Variants in MTR observed in about 807,000 individuals in gnomAD.
The protein encoded by MTR is methionine synthase.
MTR carries 84 observed loss-of-function variants against 154.8 expected under a neutral mutation model. The observed-to-expected ratio is 0.54, with a 90% CI of 0.45 to 0.65. The LOEUF (loss-of-function observed/expected upper bound fraction) is 0.65. Among genes scored for constraint, MTR ranks in the 30% least tolerant of loss-of-function variants. MTR has a pLI of 0.00. For synonymous variants in MTR, 554 were observed against 553.9 expected (o/e 1.00, Z 0.00); for missense variants, 1,275 against 1,570.2 (o/e 0.81, Z 3.18).
chr1:236,799,075 T>C (rs1419744184), intron 1 of MTR, among the ~76,000 whole-genome samples: 1 of 152,092 alleles, frequency 6.6e-6, no homozygotes, highest in East Asian at 1.9e-4. Context: ...AAATCTTACA[T>C]TATCCTCTAA....
chr1:236,835,550 G>GCCTT lies in MTR; in HGVS notation c.1193_1196dup (p.Leu399PhefsTer22), dbSNP rs748254670. 6.2e-7 allele frequency: 1 copy of GCCTT among 1,612,176 alleles called. No individual in the cohort carries two copies. Among genetic ancestry groups the GCCTT allele is most frequent in the South Asian group, 1.1e-5 (1 of 90,898 alleles). ...TCCTCTCTCATTCTTCCTTCAGGAAGCCTTGTGTGTTGCCAAAGTGCAGGT... is the reference window on the plus strand; with the variant it reads ...TCCTCTCTCATTCTTCCTTCAGGAAGCCTTCCTTGTGTGTTGCCAAAGTGCAGGT... On this transcript the variant is annotated frameshift_variant, in exon 14 of 33. Coordinates refer to ENST00000366577, the MANE Select transcript of MTR (RefSeq NM_000254.3). LOFTEE classifies it high-confidence loss of function.
intron 14 of MTR, among the ~76,000 whole-genome samples, chr1:236,836,301 G>T (rs2103152955): frequency 6.6e-6 from 1 of 151,822 alleles, no homozygotes; most frequent in African/African-American, 2.4e-5. Context: ...TTGCTCTGTG[G>T]CCCAGGCTGG....
intron 29 of MTR, among the ~76,000 whole-genome samples, chr1:236,892,310 A>G (rs1045191948): frequency 6.6e-6 from 1 of 152,004 alleles, no homozygotes; most frequent in African/African-American, 2.4e-5. Flanking sequence ...TGTCTCTACA[A>G]AACAAATTTA....
At chr1:236,896,085 A>G (rs182940171) in intron 31 of MTR, among the ~76,000 whole-genome samples, 7 of 152,328 alleles carry the variant, frequency 4.6e-5, no homozygotes, top group Admixed American at 3.9e-4. Flanking sequence ...GATTGATTCT[A>G]AAAGCTGAAA....
intron 6 of MTR, 76 bp from the exon 7 acceptor site, chr1:236,815,528 C>T: frequency 7.2e-7 from 1 of 1,396,766 alleles, no homozygotes. Context: ...GAAAAGGGTG[C>T]ATTCTAATCA....
chr1:236,852,414 A>C lies in MTR; in HGVS notation c.1696-107A>C. 4 of 835,904 alleles carry C rather than the reference A, an allele frequency of 4.8e-6. No homozygotes were observed. In the South Asian group the frequency reaches 5.6e-5, roughly 12 times the overall value. 51.8% of individuals were successfully genotyped at this position (835,904 alleles called of 1,614,324 possible). A position where few individuals can be genotyped will look rare whatever the true frequency, so the allele number is the denominator to read the frequency against. On this transcript the variant is annotated intron_variant, in intron 16 of 32. Coordinates refer to ENST00000366577, the MANE Select transcript of MTR (RefSeq NM_000254.3). The stretch of plus-strand genomic sequence containing the variant: ...AGCTCTGAATTACTTTGAACTTCGG[A>C]TGCTTTTTGTTTTTTTTTCTTTCCA...
chr1:236,859,803 A>G (rs1176483573), intron 18 of MTR, 30 bp from the exon 19 acceptor site: 1 of 1,551,362 alleles, frequency 6.4e-7, no homozygotes, highest in South Asian at 1.1e-5. Context: ...GATGAGTTGT[A>G]TCCATTTCTT....
chr1:236,897,868 T>C lies in MTR; in HGVS notation c.*224T>C. 4 of 564,154 alleles carry C rather than the reference T, an allele frequency of 7.1e-6. No individual in the cohort carries two copies. The highest frequency in any genetic ancestry group is 1.3e-5 in the Non-Finnish European group (4 of 318,716). 34.9% of individuals were successfully genotyped at this position (564,154 alleles called of 1,614,324 possible). ...TTTTGGGACCTTGCGTGAAGAGCAG[T>C]GAGCAGGGTTCCTGTGGTTTCCCTG... On this transcript the variant is annotated 3_prime_UTR_variant, in exon 33 of 33. Coordinates refer to ENST00000366577, the MANE Select transcript of MTR (RefSeq NM_000254.3).
chr1:236,897,514 G>C (rs370397339), intron 32 of MTR, 44 bp from the exon 33 acceptor site: 53 of 1,562,960 alleles, frequency 3.4e-5, no homozygotes, highest in Non-Finnish European at 4.6e-5. Flanking sequence ...TATTCCAAAA[G>C]TCTTATCATG....
At chr1:236,874,521 A>C (rs1441623465) in intron 23 of MTR, among the ~76,000 whole-genome samples, 2 of 151,528 alleles carry the variant, frequency 1.3e-5, no homozygotes, top group Non-Finnish European at 2.9e-5. Flanking sequence ...CAGTGAGCCG[A>C]GATCGCGCCA....
intron 25 of MTR, 38 bp downstream of exon 25, chr1:236,880,874 G>C (rs768837189): frequency 1.3e-6 from 2 of 1,564,512 alleles, no homozygotes; most frequent in African/African-American, 2.7e-5. Context: ...CAGATGTGTT[G>C]GAAAGCTTGC....
chr1:236,847,387 T>A (rs1436184804), intron 15 of MTR, among the ~76,000 whole-genome samples: 1 of 152,238 alleles, frequency 6.6e-6, no homozygotes, highest in Non-Finnish European at 1.5e-5. Flanking sequence ...TTCCTCACAG[T>A]GTCTGCCTTG....
intron 15 of MTR, among the ~76,000 whole-genome samples, chr1:236,841,491 T>A (rs1341108265): frequency 1.3e-5 from 2 of 152,188 alleles, no homozygotes; most frequent in African/African-American, 2.4e-5. Context: ...GTCATACTAC[T>A]TTTTTGAAGA....
At position 236,898,872 on chromosome 1, in the gene MTR, C is replaced by A. The variant is rs1666802748; in HGVS notation, c.*1228C>A. 6.6e-6 allele frequency: 1 copy of A among 152,144 alleles called. No homozygotes were observed. The highest frequency in any genetic ancestry group is 1.5e-5 in the Non-Finnish European group (1 of 68,022). 9.4% of individuals were successfully genotyped at this position (152,144 alleles called of 1,614,324 possible). A position where few individuals can be genotyped will look rare whatever the true frequency, so the allele number is the denominator to read the frequency against. ...ATTCAGTAATGAAGAATGGTGCCAC[C>A]ACTCAAGCAACAAGCCTCAAACTCA... On this transcript the variant is annotated 3_prime_UTR_variant, in exon 33 of 33. Coordinates refer to ENST00000366577, the MANE Select transcript of MTR (RefSeq NM_000254.3).
intron 27 of MTR, among the ~76,000 whole-genome samples, chr1:236,888,825 A>G (rs1040507240): frequency 8.5e-5 from 13 of 152,152 alleles, no homozygotes; most frequent in African/African-American, 2.7e-4. Flanking sequence ...CTTTCTGGAC[A>G]TGTTCTTCAT....
At chr1:236,871,981 T>C (rs1665160799) in intron 22 of MTR, among the ~76,000 whole-genome samples, 2 of 152,282 alleles carry the variant, frequency 1.3e-5, no homozygotes, top group South Asian at 4.2e-4. Context: ...TGTTGTAGTC[T>C]TAAGCATTCT....
At position 236,856,927 on chromosome 1, in the gene MTR, A is replaced by G. The variant is rs112683708; in HGVS notation, c.1954-2906A>G. On this transcript the variant is annotated intron_variant, in intron 18 of 32. Coordinates refer to ENST00000366577, the MANE Select transcript of MTR (RefSeq NM_000254.3). The stretch of plus-strand genomic sequence containing the variant: ...GTGCCACATTTTCTTTATCCAGTCT[A>G]TCATTGATGGGTATTTGGGTTGGTT... Among the ~76,000 whole-genome samples, 675 of 152,178 alleles carry G rather than the reference A, an allele frequency of 4.4e-3. 9 individuals carry two copies. The highest frequency in any genetic ancestry group is 0.016 in the African/African-American group (653 of 41,516).
intron 11 of MTR, among the ~76,000 whole-genome samples, chr1:236,828,181 G>C (rs549609134): frequency 6.6e-6 from 1 of 152,112 alleles, no homozygotes; most frequent in African/African-American, 2.4e-5. Context: ...GTTTCACCTC[G>C]TTAGCCAGGA....
chr1:236,895,605 T>G, intron 31 of MTR, 55 bp downstream of exon 31: 6 of 1,525,824 alleles, frequency 3.9e-6, no homozygotes, highest in Non-Finnish European at 5.3e-6. Flanking sequence ...GATACTCTTA[T>G]CAGCATACTG....
Sources: gnomAD v4.1 joint callset for allele counts (sites outside exome capture counted in the v4.1 genomes callset) on GRCh38, gnomAD v4.1.1 for gene constraint, MANE v1.5 for transcripts, NCBI Gene and HGNC (gene_info 2026-07-23, HGNC 2026-07-21) for gene names.